FRAS1: variants seen among roughly 807,000 people sequenced by gnomAD.
FRAS1 encodes the protein extracellular matrix organizing protein FRAS1.
In FRAS1, 290 loss-of-function variants were observed where a neutral mutation model predicts 435.2. That is an observed-to-expected ratio of 0.67 (90% CI 0.61 to 0.73). The LOEUF (loss-of-function observed/expected upper bound fraction) is 0.73, where lower values mean the gene tolerates loss of function less well. FRAS1 is among the 30% of genes least tolerant of loss of function. The probability of loss-of-function intolerance (pLI) is 0.00; values close to 1 mark genes in which losing one functional copy is unlikely to be tolerated. For synonymous variants in FRAS1, 1,800 were observed against 1,851.0 expected (o/e 0.97, Z 0.71); for missense variants, 4,860 against 5,001.5 (o/e 0.97, Z 0.85).
chr4:78,448,013 A>G, intron 43 of FRAS1, 40 bp from the exon 44 acceptor site: 1 of 1,508,624 alleles, frequency 6.6e-7, no homozygotes, highest in Non-Finnish European at 8.9e-7. Context: ...ATATATGTGT[A>G]TTCTACCATT....
intron 73 of FRAS1, 61 bp downstream of exon 73, chr4:78,539,501 A>G (rs1341035798): frequency 2.8e-5 from 39 of 1,397,660 alleles, no homozygotes; most frequent in South Asian, 1.9e-4. Context: ...TTGAAAAAAA[A>G]AAAAAAAAGA....
chr4:78,293,784 GA>G (rs1279589382), intron 14 of FRAS1, among the ~76,000 whole-genome samples: 2 of 152,182 alleles, frequency 1.3e-5, no homozygotes, highest in Non-Finnish European at 2.9e-5. Context: ...GAGAAGAGGG[GA>G]AAACAGCTGG....
Position 78,470,075 on chromosome 4 carries a change from A to T in FRAS1, c.7355A>T (p.Glu2452Val). 1 of 1,612,504 alleles carries T rather than the reference A, an allele frequency of 6.2e-7. No individual in the cohort carries two copies. The highest frequency in any genetic ancestry group is 8.5e-7 in the Non-Finnish European group (1 of 1,178,976). Residue 2452 changes from glutamate to valine, a missense_variant, in exon 51 of 74, where the codon GAA becomes GTA. Coordinates refer to ENST00000512123, the MANE Select transcript of FRAS1 (RefSeq NM_025074.7). ...IVTNLGLQWL[E>V]YMDGKATNLI... ...ACCAACCTGGGACTCCAGTGGCTGG[A>T]ATACATGGATGGCAAGGTAAGGCCT...
chr4:78,068,036 A>G (rs1578102635), intron 2 of FRAS1, among the ~76,000 whole-genome samples: 2 of 152,140 alleles, frequency 1.3e-5, no homozygotes, highest in South Asian at 4.2e-4. Flanking sequence ...TAGTTATGCA[A>G]TTCAGTCTGA....
At chr4:78,262,026 A>T (rs1232746583) in intron 6 of FRAS1, among the ~76,000 whole-genome samples, 1 of 152,150 alleles carries the variant, frequency 6.6e-6, no homozygotes, top group Non-Finnish European at 1.5e-5. Flanking sequence ...CTGCAAGGGT[A>T]AGTAGATTTA....
At chr4:78,440,073 G>T (rs1734594734) in intron 40 of FRAS1, among the ~76,000 whole-genome samples, 1 of 147,702 alleles carries the variant, frequency 6.8e-6, no homozygotes, top group South Asian at 2.2e-4. Flanking sequence ...GCCCAGGCGG[G>T]ACTGCGGACT....
In FRAS1 at chr4:78,363,978, C is replaced by A; in HGVS notation, c.2646C>A (p.Leu882=). The change falls in exon 22 of 74, where the codon CTC becomes CTA. Residue 882 remains leucine, a synonymous_variant. Coordinates refer to ENST00000512123, the MANE Select transcript of FRAS1 (RefSeq NM_025074.7). Reference sequence around the variant, plus strand: ...CCTGCTCCTCATGTGACACCAACCTCGTGCTGTCCCACACTGGCACCTGCA... The same window carrying A: ...CCTGCTCCTCATGTGACACCAACCTAGTGCTGTCCCACACTGGCACCTGCA... ...PFSCSSCDTN[L]VLSHTGTCST... 2.5e-6 allele frequency: 4 copies of A among 1,612,226 alleles called. No homozygotes were observed. The highest frequency in any genetic ancestry group is 3.4e-6 in the Non-Finnish European group (4 of 1,179,048).
intron 50 of FRAS1, 84 bp from the exon 51 acceptor site, chr4:78,469,894 G>A (rs1437879783): frequency 1.1e-6 from 1 of 949,570 alleles, no homozygotes; most frequent in Non-Finnish European, 1.7e-6. Flanking sequence ...GCAGACTTCA[G>A]AGGTTACAGC....
At chr4:78,131,127 G>T (rs944987460) in intron 2 of FRAS1, among the ~76,000 whole-genome samples, 2 of 151,890 alleles carry the variant, frequency 1.3e-5, no homozygotes, top group Non-Finnish European at 2.9e-5. Flanking sequence ...TTGTGCCTTG[G>T]GGGAAATATT....
At chr4:78,208,920 T>C (rs1469047156) in intron 2 of FRAS1, among the ~76,000 whole-genome samples, 1 of 152,106 alleles carries the variant, frequency 6.6e-6, no homozygotes, top group African/African-American at 2.4e-5. Flanking sequence ...GTGGATCACT[T>C]GAGCCCAGGA....
intron 2 of FRAS1, among the ~76,000 whole-genome samples, chr4:78,205,380 G>A (rs1177924421): frequency 3.3e-5 from 5 of 151,878 alleles, no homozygotes; most frequent in Admixed American, 6.6e-5. Flanking sequence ...TTTTTGTAGA[G>A]GGAGGATCTC....
At chr4:78,344,353 A>C (rs1054478321) in intron 20 of FRAS1, among the ~76,000 whole-genome samples, 6 of 152,042 alleles carry the variant, frequency 3.9e-5, no homozygotes, top group Admixed American at 6.5e-5. Context: ...GGTAGGTACT[A>C]ATTTTATCCC....
intron 2 of FRAS1, among the ~76,000 whole-genome samples, chr4:78,225,154 G>C (rs1435583086): frequency 6.6e-6 from 1 of 152,188 alleles, no homozygotes; most frequent in African/African-American, 2.4e-5. Flanking sequence ...GCTGAGCATG[G>C]TGCTAAGGAA....
intron 2 of FRAS1, among the ~76,000 whole-genome samples, chr4:78,194,609 G>A (rs1302746869): frequency 6.6e-6 from 1 of 152,052 alleles, no homozygotes; most frequent in Non-Finnish European, 1.5e-5. Flanking sequence ...TTGTGCTTTG[G>A]TTTTCAGCTC....
chr4:78,508,478 G>A (rs1450056706), intron 62 of FRAS1, among the ~76,000 whole-genome samples: 1 of 152,142 alleles, frequency 6.6e-6, no homozygotes, highest in Admixed American at 6.5e-5. Context: ...ATGAGTGATA[G>A]GGCTCTGATT....
At position 78,421,946 on chromosome 4, in the gene FRAS1, C is replaced by T. The variant is rs774652198; in HGVS notation, c.4624C>T (p.Arg1542Cys). The T allele has an allele frequency of 2.0e-5, 33 of 1,613,668 alleles. No homozygotes were observed. In the East Asian group the frequency reaches 4.0e-4, roughly 20 times the overall value. ...TATTAACCAGGGCAAAGTCATGTACCGCCCTCCCCCGGCAGCACCCCACCT... is the reference window on the plus strand; with the variant it reads ...TATTAACCAGGGCAAAGTCATGTACTGCCCTCCCCCGGCAGCACCCCACCT... The part of the protein sequence containing the change: ...EDINQGKVMY[R>C]PPPAAPHLQE... Residue 1542 changes from arginine to cysteine, a missense_variant, in exon 34 of 74, where the codon CGC becomes TGC. Transcript: ENST00000512123.
At chr4:78,532,243 T>C (rs761696172) in intron 70 of FRAS1, among the ~76,000 whole-genome samples, 1 of 152,158 alleles carries the variant, frequency 6.6e-6, no homozygotes, top group Non-Finnish European at 1.5e-5. Flanking sequence ...GCACACACTC[T>C]TACCCCAGAC....
chr4:78,268,621 G>A (rs566060948), intron 9 of FRAS1, among the ~76,000 whole-genome samples: 54 of 152,264 alleles, frequency 3.5e-4, no homozygotes, highest in South Asian at 3.3e-3. Flanking sequence ...AAAAAATGTG[G>A]GAGAGGAGAT....
chr4:78,380,036 C>A (rs1331998281), intron 27 of FRAS1, 40 bp downstream of exon 27: 2 of 1,596,464 alleles, frequency 1.3e-6, no homozygotes, highest in Non-Finnish European at 1.7e-6. Context: ...GCCTCCTTTC[C>A]ATCATTGCTT....
Sources: allele counts gnomAD v4.1 joint callset (sites outside exome capture counted in the v4.1 genomes callset), GRCh38; gene constraint gnomAD v4.1.1; transcripts MANE v1.5; gene names NCBI Gene and HGNC (gene_info 2026-07-23, HGNC 2026-07-21).